TTN: variants seen among roughly 807,000 people sequenced by gnomAD.
The protein encoded by TTN is titin.
Under a neutral mutation model 3,223.0 loss-of-function variants are expected in TTN, and 1,525 were observed. The ratio of observed to expected loss-of-function variants is 0.47; its 90% CI spans 0.45 to 0.49. TTN has a LOEUF of 0.49. Among genes scored for constraint, TTN ranks in the 20% least tolerant of loss-of-function variants. TTN has a pLI of 0.00. For missense variants in TTN, 40,786 were observed against 43,424.0 expected (o/e 0.94, Z 5.40); for synonymous variants, 14,094 against 15,161.0 (o/e 0.93, Z 5.17).
In TTN at chr2:178,702,225, G is replaced by A. The variant is rs1005491217; in HGVS notation, c.30454C>T (p.Arg10152Trp). 9.3e-6 allele frequency: 15 copies of A among 1,613,800 alleles called. No individual in the cohort carries two copies. Among genetic ancestry groups the A allele is most frequent in the Non-Finnish European group, 1.3e-5 (15 of 1,179,896 alleles). ...CTTGCTTCACCTCTTGGCTCCAGCCGAGCGATGACCGAGTAGACACCTAGG... is the reference window on the plus strand; with the variant it reads ...CTTGCTTCACCTCTTGGCTCCAGCCAAGCGATGACCGAGTAGACACCTAGG... ...DDEGVYSVIA[R>W]LEPRGEARST... The change falls in exon 108 of 363, where the codon CGG (arginine) becomes TGG (tryptophan). Residue 10152 changes from arginine to tryptophan, a missense_variant. Transcript: ENST00000589042.
rs759712968 is a variant in TTN at position 178,769,911 on chromosome 2, A to G, written c.8670T>C (p.Asn2890=). The change falls in exon 37 of 363, where the codon AAT becomes AAC. Residue 2890 remains asparagine (N), a synonymous_variant. Transcript: ENST00000589042. The part of the protein sequence containing the change: ...ETLHITKTMK[N]IEVPETKTAS... ...CAGTTTTGGTCTCAGGCACCTCGAT[A>G]TTTTTCATGGTTTTTGTAATATGTA... 6.2e-7 allele frequency: 1 copy of G among 1,614,054 alleles called. No homozygotes were observed. The highest frequency in any genetic ancestry group is 1.1e-5 in the South Asian group (1 of 91,082).
At chr2:178,803,474 A>T (rs955685733) in intron 2 of TTN, among the ~76,000 whole-genome samples, 2 of 151,832 alleles carry the variant, frequency 1.3e-5, no homozygotes, top group African/African-American at 4.8e-5. Flanking sequence ...TAGACCAATG[A>T]AAAGGGAATT....
intron 250 of TTN, chr2:178,619,090 ATTCCTTGCC>A: frequency 1.8e-6 from 1 of 568,264 alleles, no homozygotes; most frequent in African/African-American, 1.9e-5. Context: ...TAAGACATGC[ATTCCTTGCC>A]AAAAATAGTA....
chr2:178,723,984 G>A lies in TTN; in HGVS notation c.21275C>T (p.Thr7092Ile). The A allele has an allele frequency of 6.2e-7, 1 of 1,613,566 alleles. No homozygotes were observed. Among genetic ancestry groups the A allele is most frequent in the South Asian group, 1.1e-5 (1 of 91,072 alleles). Residue 7092 changes from threonine (T) to isoleucine (I), a missense_variant, in exon 73 of 363, where the codon ACC becomes ATC. Coordinates refer to ENST00000589042, the MANE Select transcript of TTN (RefSeq NM_001267550.2). ...TKIVSGAKYQ[T>I]TFSDNVCTLQ... is the part of the protein sequence containing the mutation. ...TGTGCAGACATTATCTGAAAATGTGGTTTGGTACTTTGCTCCACTGACAAT... is the reference window on the plus strand; with the variant it reads ...TGTGCAGACATTATCTGAAAATGTGATTTGGTACTTTGCTCCACTGACAAT...
intron 47 of TTN, chr2:178,751,776 G>T: frequency 6.2e-7 from 1 of 1,613,028 alleles, no homozygotes. Flanking sequence ...GGGATGGGCC[G>T]ATTGTTATGA....
Position 178,564,438 on chromosome 2 carries a change from C to T in TTN, c.81694G>A (p.Val27232Met), listed in dbSNP as rs2154162679. ...CTTTGGTCTTCTACAAGTCCACTCA[C>T]TGTAAATTCAGTTTCTAATACGTTG... Reference protein sequence around the residue: ...FTNVLETEFTVSGLVEDQRYE... With the variant: ...FTNVLETEFTMSGLVEDQRYE... The change falls in exon 326 of 363, where the codon GTG (valine) becomes ATG (methionine). Residue 27232 changes from valine to methionine, a missense_variant. Transcript: ENST00000589042. The T allele has an allele frequency of 6.2e-7, 1 of 1,612,814 alleles. No individual in the cohort carries two copies. Among genetic ancestry groups the T allele is most frequent in the Non-Finnish European group, 8.5e-7 (1 of 1,179,324 alleles).
chr2:178,751,953 T>C (rs1305240287), intron 47 of TTN: 7 of 1,588,302 alleles, frequency 4.4e-6, no homozygotes, highest in African/African-American at 2.7e-5. Context: ...TTAGCAGCCA[T>C]GGATTTGTGG....
At chr2:178,698,587 T>C (rs1166169178) in intron 112 of TTN, among the ~76,000 whole-genome samples, 3 of 152,128 alleles carry the variant, frequency 2.0e-5, no homozygotes, top group African/African-American at 7.2e-5. Context: ...CTTTAAATTT[T>C]CATCCAGAAA....
At position 178,722,488 on chromosome 2, in the gene TTN, C is replaced by A; in HGVS notation, c.22299G>T (p.Gly7433=). ...ATCGACAAGTGAGTGTAACAGGTAA[C>A]CCCACAGTTTGTTCAATGTCCTTTA... ...RQLKDIEQTV[G]LPVTLTCRLN... The change falls in exon 77 of 363, where the codon GGG becomes GGT. Residue 7433 remains glycine, a synonymous_variant. Transcript: ENST00000589042. 1.9e-6 allele frequency: 3 copies of A among 1,613,362 alleles called. No individual in the cohort carries two copies. The highest frequency in any genetic ancestry group is 1.7e-6 in the Non-Finnish European group (2 of 1,179,532).
Position 178,712,969 on chromosome 2 carries a change from G to A in TTN, c.27056C>T (p.Pro9019Leu). 1.2e-6 allele frequency: 2 copies of A among 1,612,114 alleles called. No individual in the cohort carries two copies. Among genetic ancestry groups the A allele is most frequent in the Non-Finnish European group, 1.7e-6 (2 of 1,178,780 alleles). The change falls in exon 94 of 363, where the codon CCA becomes CTA. Residue 9019 changes from proline (P) to leucine (L), a missense_variant. Pro to Leu is a moderately conservative substitution (Grantham distance 98). Transcript: ENST00000589042. ...CSAPLTVREP[P>L]SFVQKPDPMD... is the part of the protein sequence containing the mutation. ...GGGATCAGGTTTCTGAACAAAAGAT[G>A]GTGGTTCTAAACACAAAAGCACATA...
Position 178,731,177 on chromosome 2 carries a change from C to T in TTN, c.17488G>A (p.Val5830Met), listed in dbSNP as rs374097424. The stretch of plus-strand genomic sequence containing the variant: ...TCTCCTTGGGTGACATCTATAGACA[C>T]AGCTTCCTCGGTGATTGTTGCAGGT... The part of the protein sequence containing the change: ...KEPATITEEA[V>M]SIDVTQGDPA... The change falls in exon 60 of 363, where the codon GTG becomes ATG. Residue 5830 changes from valine to methionine, a missense_variant. Physicochemically the swap from Val to Met is conservative, Grantham distance 21 (BLOSUM62 1). Coordinates refer to ENST00000589042, the MANE Select transcript of TTN (RefSeq NM_001267550.2). 7.4e-6 allele frequency: 12 copies of T among 1,613,256 alleles called. No individual in the cohort carries two copies. In the African/African-American group the frequency reaches 1.2e-4, roughly 16 times the overall value.
At chr2:178,733,175 T>C (rs1008995304) in intron 54 of TTN, 54 bp from the exon 55 acceptor site, 4 of 1,556,666 alleles carry the variant, frequency 2.6e-6, no homozygotes, top group African/African-American at 2.7e-5. Flanking sequence ...TGCTCAGTGA[T>C]TGACTTTAGG....
At chr2:178,797,854 GC>G (rs1235169000) in intron 6 of TTN, among the ~76,000 whole-genome samples, 3 of 151,952 alleles carry the variant, frequency 2.0e-5, no homozygotes, top group African/African-American at 7.2e-5. Context: ...ACCCATAAAT[GC>G]TTTTGCAGAT....
chr2:178,777,270 C>T lies in TTN; in HGVS notation c.4693G>A (p.Val1565Ile), dbSNP rs762529971. 42 of 1,613,912 alleles carry T rather than the reference C, an allele frequency of 2.6e-5. No homozygotes were observed. Among genetic ancestry groups the T allele is most frequent in the Non-Finnish European group, 3.5e-5 (41 of 1,179,980 alleles). Reference protein sequence around the residue: ...KPMFVEKLKNVNIKEGSRLEM... With the variant: ...KPMFVEKLKNINIKEGSRLEM... ...AGTCGGGAACCTTCCTTTATATTGA[C>T]ATTTTTCAGTTTTTCTACAAACATC... is the stretch of plus-strand genomic sequence containing the variant. The change falls in exon 27 of 363, where the codon GTC becomes ATC. Residue 1565 changes from valine (V) to isoleucine (I), a missense_variant. Transcript: ENST00000589042.
intron 77 of TTN, 28 bp from the exon 78 acceptor site, chr2:178,722,162 T>C (rs1288890818): frequency 6.5e-7 from 1 of 1,532,128 alleles, no homozygotes; most frequent in Non-Finnish European, 8.7e-7. Context: ...AGGCAATGTG[T>C]ATTTTTTGTT....
In TTN at chr2:178,776,934, T is replaced by C. The variant is rs2092286862; in HGVS notation, c.4930A>G (p.Lys1644Glu). The change falls in exon 28 of 363, where the codon AAA (lysine) becomes GAA (glutamate). Residue 1644 changes from lysine (K) to glutamate (E), a missense_variant. Lys to Glu is a moderately conservative substitution (Grantham distance 56, BLOSUM62 1). Coordinates refer to ENST00000589042, the MANE Select transcript of TTN (RefSeq NM_001267550.2). ...GCAAACTCAACTTCAACATTTACTTTGCATCTTGTAGTGTCTCTGCCAGCT... is the reference window on the plus strand; with the variant it reads ...GCAAACTCAACTTCAACATTTACTTCGCATCTTGTAGTGTCTCTGCCAGCT... ...NKAGRDTTRC[K>E]VNVEVEFAEP... The C allele has an allele frequency of 6.2e-7, 1 of 1,613,510 alleles. No homozygotes were observed. The highest frequency in any genetic ancestry group is 8.5e-7 in the Non-Finnish European group (1 of 1,179,768).
intron 221 of TTN, 44 bp from the exon 222 acceptor site, chr2:178,640,154 G>T (rs1178341521): frequency 6.3e-7 from 1 of 1,587,906 alleles, no homozygotes; most frequent in Admixed American, 1.8e-5. Flanking sequence ...CAGGATTTTT[G>T]AAGTTTTTCA....
intron 37 of TTN, among the ~76,000 whole-genome samples, chr2:178,769,344 TC>T (rs1462646336): frequency 1.3e-5 from 2 of 151,964 alleles, no homozygotes; most frequent in African/African-American, 4.8e-5. Flanking sequence ...GCCTTGGCCT[TC>T]TGGGCCCAAG....
At chr2:178,606,177 A>G (rs1300877026) in intron 278 of TTN, among the ~76,000 whole-genome samples, 1 of 151,978 alleles carries the variant, frequency 6.6e-6, no homozygotes, top group African/African-American at 2.4e-5. Context: ...GGATGTATGT[A>G]ATGCTGCTGA....
Sources: gnomAD v4.1 joint callset for allele counts (sites outside exome capture counted in the v4.1 genomes callset) on GRCh38, gnomAD v4.1.1 for gene constraint, MANE v1.5 for transcripts, NCBI Gene and HGNC (gene_info 2026-07-23, HGNC 2026-07-21) for gene names.